The following PDZD2 variants were observed in gnomAD, a reference collection of about 807,000 sequenced individuals.
PDZD2 encodes the protein PDZ domain-containing protein 2.
A neutral mutation model predicts 220.7 loss-of-function variants in PDZD2; 90 were observed. The observed-to-expected ratio is 0.41, with a 90% CI of 0.34 to 0.49. The LOEUF (loss-of-function observed/expected upper bound fraction) is 0.49, where lower values mean the gene tolerates loss of function less well. Among genes scored for constraint, PDZD2 ranks in the 20% least tolerant of loss-of-function variants. The pLI, the probability that PDZD2 is intolerant of heterozygous loss-of-function variation, is 0.28. For synonymous variants in PDZD2, 1,375 were observed against 1,450.5 expected (o/e 0.95, Z 1.18); for missense variants, 3,174 against 3,608.5 (o/e 0.88, Z 3.08).
In PDZD2 at chr5:32,053,818, T is replaced by C; in HGVS notation, c.1835T>C (p.Met612Thr). The change falls in exon 10 of 25, where the codon ATG (methionine) becomes ACG (threonine). Residue 612 changes from methionine (M) to threonine (T), a missense_variant. Coordinates refer to ENST00000438447, the MANE Select transcript of PDZD2 (RefSeq NM_178140.4). The part of the protein sequence containing the change: ...AGGRDCIRGQ[M>T]GIFVKTIFPN... ...GGTCGAGACTGCATTCGTGGACAGATGGGGATTTTTGTCAAGACCATCTTC... is the reference window on the plus strand; with the variant it reads ...GGTCGAGACTGCATTCGTGGACAGACGGGGATTTTTGTCAAGACCATCTTC... 1 of 1,613,658 alleles carries C rather than the reference T, an allele frequency of 6.2e-7. No individual in the cohort carries two copies. Among genetic ancestry groups the C allele is most frequent in the Non-Finnish European group, 8.5e-7 (1 of 1,179,580 alleles).
At chr5:32,045,434 T>C (rs1192348240) in intron 7 of PDZD2, among the ~76,000 whole-genome samples, 2 of 152,000 alleles carry the variant, frequency 1.3e-5, no homozygotes, top group Middle Eastern at 6.3e-3. Flanking sequence ...TTTTTTTTTT[T>C]TTCCCAAGAC....
intron 1 of PDZD2, among the ~76,000 whole-genome samples, chr5:31,688,262 T>A (rs997788625): frequency 3.9e-5 from 6 of 152,030 alleles, no homozygotes; most frequent in African/African-American, 1.2e-4. Flanking sequence ...AACTCAGTTG[T>A]CAAAGCTTTT....
intron 2 of PDZD2, among the ~76,000 whole-genome samples, chr5:31,933,028 A>G (rs774301725): frequency 6.6e-6 from 1 of 151,678 alleles, no homozygotes; most frequent in Non-Finnish European, 1.5e-5. Flanking sequence ...CTCATGCCTC[A>G]TCCTCCCGAG....
At chr5:31,871,521 G>A (rs1738790772) in intron 2 of PDZD2, among the ~76,000 whole-genome samples, 2 of 150,900 alleles carry the variant, frequency 1.3e-5, no homozygotes, top group South Asian at 4.2e-4. Flanking sequence ...ACATGATCTC[G>A]GCTCAGTGCA....
chr5:32,014,965 G>A (rs7720015), intron 6 of PDZD2, among the ~76,000 whole-genome samples: 51,592 of 115,514 alleles, frequency 0.45, 12,662 homozygotes, highest in South Asian at 0.57. Flanking sequence ...TTTTTGAGAC[G>A]GAGTCTCACT....
chr5:31,790,107 TTTTG>T (rs994606526), intron 1 of PDZD2, among the ~76,000 whole-genome samples: 300 of 152,112 alleles, frequency 2.0e-3, no homozygotes, highest in Non-Finnish European at 2.4e-3. Flanking sequence ...GGGAGGTCTT[TTTTG>T]TTTGTTTGTT....
At chr5:32,057,120 T>TA (rs1031297096) in intron 10 of PDZD2, among the ~76,000 whole-genome samples, 27 of 152,020 alleles carry the variant, frequency 1.8e-4, no homozygotes, top group Admixed American at 1.2e-3. Flanking sequence ...TTTTTTTTAG[T>TA]AAAAAAAAGA....
At chr5:31,880,638 G>A (rs1739779188) in intron 2 of PDZD2, among the ~76,000 whole-genome samples, 1 of 152,016 alleles carries the variant, frequency 6.6e-6, no homozygotes, top group Non-Finnish European at 1.5e-5. Flanking sequence ...AATAGTTATT[G>A]TTCCCTGGAG....
chr5:31,776,824 T>A (rs990719504), intron 1 of PDZD2, among the ~76,000 whole-genome samples: 1 of 150,114 alleles, frequency 6.7e-6, no homozygotes, highest in South Asian at 2.1e-4. Flanking sequence ...TGGTTAATTT[T>A]TTTTTTGTAT....
chr5:32,032,420 C>T (rs1431221512), intron 6 of PDZD2, among the ~76,000 whole-genome samples: 1 of 152,142 alleles, frequency 6.6e-6, no homozygotes, highest in African/African-American at 2.4e-5. Flanking sequence ...CTCTCTCGGT[C>T]GTTCCTTGGG....
chr5:31,786,812 C>T (rs934412933), intron 1 of PDZD2, among the ~76,000 whole-genome samples: 3 of 152,098 alleles, frequency 2.0e-5, no homozygotes, highest in African/African-American at 4.8e-5. Context: ...ATTACTGGCT[C>T]TTATAAATAT....
intron 2 of PDZD2, among the ~76,000 whole-genome samples, chr5:31,953,906 C>T (rs1292410032): frequency 1.3e-5 from 2 of 152,060 alleles, no homozygotes; most frequent in Non-Finnish European, 2.9e-5. Flanking sequence ...ACCTCGGCCT[C>T]CCAAAGTGCT....
chr5:31,784,428 G>A (rs965144621), intron 1 of PDZD2, among the ~76,000 whole-genome samples: 19 of 152,214 alleles, frequency 1.2e-4, no homozygotes, highest in African/African-American at 3.1e-4. Flanking sequence ...TTGAATGCAC[G>A]TAGAAAACAA....
chr5:32,049,721 T>C (rs1364669589), intron 8 of PDZD2, among the ~76,000 whole-genome samples: 1 of 152,216 alleles, frequency 6.6e-6, no homozygotes, highest in African/African-American at 2.4e-5. Flanking sequence ...CAAGTGCCCA[T>C]GTTTCAGGGA....
At chr5:31,649,293 C>A (rs1561362340) in intron 1 of PDZD2, among the ~76,000 whole-genome samples, 2 of 152,042 alleles carry the variant, frequency 1.3e-5, no homozygotes, top group Non-Finnish European at 2.9e-5. Flanking sequence ...TCCTATGACT[C>A]CTTCTCTTAG....
intron 24 of PDZD2, among the ~76,000 whole-genome samples, chr5:32,102,170 A>C (rs931323448): frequency 2.0e-5 from 3 of 152,124 alleles, no homozygotes. Flanking sequence ...CTATGGATCA[A>C]AAGTGGAAAT....
At chr5:31,848,446 C>T (rs536979043) in intron 2 of PDZD2, among the ~76,000 whole-genome samples, 1 of 152,332 alleles carries the variant, frequency 6.6e-6, no homozygotes, top group East Asian at 1.9e-4. Context: ...ATGCACCCTC[C>T]CTATCAGAAA....
chr5:31,849,592 C>G (rs1437453498), intron 2 of PDZD2, among the ~76,000 whole-genome samples: 1 of 151,952 alleles, frequency 6.6e-6, no homozygotes, highest in African/African-American at 2.4e-5. Context: ...GCCTGTAATC[C>G]TAGCACTTTG....
rs748069849 is a variant in PDZD2, at chr5:32,010,439, A to T, written c.1364A>T (p.Asp455Val). 1 of 1,612,964 alleles carries T rather than the reference A, an allele frequency of 6.2e-7. No individual in the cohort carries two copies. Among genetic ancestry groups the T allele is most frequent in the African/African-American group, 1.3e-5 (1 of 75,032 alleles). ...SWTDNEDQEA[D>V]GEEDEGTSSS... is the part of the protein sequence containing the mutation. ...ACTGATAACGAAGACCAGGAGGCAG[A>T]CGGGGAAGAGGACGAAGGAACCAGC... Residue 455 changes from aspartate (D) to valine (V), a missense_variant, in exon 6 of 25, where the codon GAC (aspartate) becomes GTC (valine). Physicochemically the swap from Asp to Val is radical, Grantham distance 152 (BLOSUM62 -3). This residue lies in a region of PDZD2 where 632 missense variants were observed against 708.1 expected (regional missense o/e 0.89). Coordinates refer to ENST00000438447, the MANE Select transcript of PDZD2 (RefSeq NM_178140.4).
Sources: allele counts gnomAD v4.1 joint callset (sites outside exome capture counted in the v4.1 genomes callset), GRCh38; gene constraint gnomAD v4.1.1; regional missense constraint gnomAD v4.1.1; transcripts MANE v1.5; gene names NCBI Gene and HGNC (gene_info 2026-07-23, HGNC 2026-07-21).